PCDHA9: variants seen among roughly 807,000 people sequenced by gnomAD.
The protein encoded by PCDHA9 is protocadherin alpha 9, also known as protocadherin alpha-9.
Under a neutral mutation model 62.0 loss-of-function variants are expected in PCDHA9, and 62 were observed. The observed-to-expected ratio is 1.00, with a 90% CI of 0.81 to 1.23. The LOEUF (loss-of-function observed/expected upper bound fraction) is 1.23. Among genes scored for constraint, PCDHA9 ranks in the 50% most tolerant of loss-of-function variants. The pLI, the probability that PCDHA9 is intolerant of heterozygous loss-of-function variation, is 0.00. For synonymous variants in PCDHA9, 557 were observed against 567.6 expected, an observed-to-expected ratio of 0.98 and a Z score of 0.27; for missense variants, 1,205 against 1,249.8, an observed-to-expected ratio of 0.96 and a Z score of 0.54.
chr5:140,958,137 A>G (rs1237826000), intron 1 of PCDHA9, among the ~76,000 whole-genome samples: 2 of 152,112 alleles, frequency 1.3e-5, no homozygotes, highest in Admixed American at 6.6e-5. Flanking sequence ...ATCAGTGTGT[A>G]TATTTATATA....
intron 3 of PCDHA9, among the ~76,000 whole-genome samples, chr5:141,004,523 A>G (rs934216851): frequency 3.3e-5 from 5 of 152,232 alleles, no homozygotes; most frequent in Admixed American, 2.0e-4. Flanking sequence ...CTCTGCCAAT[A>G]CACACAGCCA....
At chr5:140,967,498 T>A (rs1554229623) in intron 1 of PCDHA9, 3 of 1,613,108 alleles carry the variant, frequency 1.9e-6, no homozygotes, top group Non-Finnish European at 2.5e-6. Flanking sequence ...CACAGATCTC[T>A]GTGCGTGTCC....
intron 1 of PCDHA9, among the ~76,000 whole-genome samples, chr5:140,885,128 T>A (rs2060480813): frequency 6.6e-6 from 1 of 152,222 alleles, no homozygotes; most frequent in Non-Finnish European, 1.5e-5. Context: ...CTTTTCTTTC[T>A]TTCTTTTTTT....
intron 1 of PCDHA9, among the ~76,000 whole-genome samples, chr5:140,955,186 G>A (rs246020): frequency 0.56 from 85,667 of 151,968 alleles, 24,773 homozygotes; most frequent in African/African-American, 0.69. Flanking sequence ...GTTTTGTGGT[G>A]TATATGAAGT....
chr5:140,995,511 A>G (rs561169284), intron 3 of PCDHA9, among the ~76,000 whole-genome samples: 1 of 152,342 alleles, frequency 6.6e-6, no homozygotes, highest in Admixed American at 6.5e-5. Flanking sequence ...TGGGTAACTG[A>G]AGCCTCAGAA....
chr5:140,967,477 C>T (rs782240426), intron 1 of PCDHA9: 1 of 1,613,396 alleles, frequency 6.2e-7, no homozygotes, highest in Non-Finnish European at 8.5e-7. Flanking sequence ...TCCCAGCCCG[C>T]TCGGGTACGG....
At chr5:140,978,319 A>G (rs1294780698) in intron 1 of PCDHA9, among the ~76,000 whole-genome samples, 2 of 152,216 alleles carry the variant, frequency 1.3e-5, no homozygotes, top group Admixed American at 1.3e-4. Context: ...AGCAGGAACA[A>G]GTACAAGTTT....
chr5:140,956,315 A>G (rs246013), intron 1 of PCDHA9, among the ~76,000 whole-genome samples: 85,586 of 151,908 alleles, frequency 0.56, 24,725 homozygotes, highest in African/African-American at 0.69. Flanking sequence ...TTATTTTGAG[A>G]TATGTTCCTT....
chr5:140,853,625 A>G (rs1195027874), intron 1 of PCDHA9: 1 of 988,416 alleles, frequency 1.0e-6, no homozygotes, highest in African/African-American at 1.8e-5. Context: ...ATAAGTATAC[A>G]AGATCACAGA....
At chr5:140,897,154 T>C (rs530327361) in intron 1 of PCDHA9, among the ~76,000 whole-genome samples, 1 of 152,332 alleles carries the variant, frequency 6.6e-6, no homozygotes, top group African/African-American at 2.4e-5. Context: ...TTAACCATTC[T>C]TCTACTGTCT....
At chr5:140,968,560 C>T (rs782202250) in intron 1 of PCDHA9, 2 of 1,614,154 alleles carry the variant, frequency 1.2e-6, no homozygotes, top group Admixed American at 1.7e-5. Context: ...CTCGAACTGC[C>T]CCTGCTGGCT....
chr5:140,956,710 CAGA>C (rs1554222572), intron 1 of PCDHA9, among the ~76,000 whole-genome samples: 1 of 152,144 alleles, frequency 6.6e-6, no homozygotes, highest in Non-Finnish European at 1.5e-5. Flanking sequence ...GGAATAGCTT[CAGA>C]AGAATTGGTA....
In PCDHA9 at chr5:140,967,672, C is replaced by G. The variant is rs781956405; in HGVS notation, c.2395-11277C>G. 36 of 1,614,182 alleles carry G rather than the reference C, an allele frequency of 2.2e-5. No individual in the cohort carries two copies. The South Asian group carries it at 3.8e-4, about 17-fold the overall frequency. ...ACTCCTTGAGCAGCTACACGTCGGACCGGGAGAGGCAGCTCTTCAGCATAG... is the reference window on the plus strand; with the variant it reads ...ACTCCTTGAGCAGCTACACGTCGGAGCGGGAGAGGCAGCTCTTCAGCATAG... On this transcript the variant is annotated intron_variant, in intron 1 of 3. Transcript: ENST00000532602.
intron 1 of PCDHA9, among the ~76,000 whole-genome samples, chr5:140,964,804 G>A (rs1484818069): frequency 6.6e-6 from 1 of 152,012 alleles, no homozygotes; most frequent in African/African-American, 2.4e-5. Context: ...CAAGAAAGGA[G>A]ACAGGAATAG....
intron 1 of PCDHA9, among the ~76,000 whole-genome samples, chr5:140,885,555 C>T (rs1225816980): frequency 3.3e-5 from 5 of 151,940 alleles, no homozygotes; most frequent in South Asian, 2.1e-4. Flanking sequence ...GTTATTTCTA[C>T]GAAATTGATT....
At chr5:140,971,603 C>T (rs1353988698) in intron 1 of PCDHA9, among the ~76,000 whole-genome samples, 1 of 152,072 alleles carries the variant, frequency 6.6e-6, no homozygotes, top group Non-Finnish European at 1.5e-5. Context: ...CTACAGATGG[C>T]AGGAGAGTCC....
rs2040836417 is a variant in PCDHA9 at position 140,849,271 on chromosome 5, C to G, written c.776C>G (p.Thr259Arg). ...VKLPENVSIG[T>R]LVIHPNASDL... ...TTACCAGAAAACGTTTCTATCGGAA[C>G]GCTGGTGATTCACCCCAATGCCTCA... is the stretch of plus-strand genomic sequence containing the variant. Residue 259 changes from threonine (T) to arginine (R), a missense_variant, in exon 1 of 4, where the codon ACG (threonine) becomes AGG (arginine). Thr to Arg is a moderately conservative substitution (Grantham distance 71). This residue lies in a region of PCDHA9 where 110 missense variants were observed against 227.2 expected (regional missense o/e 0.48). Coordinates refer to ENST00000532602, the MANE Select transcript of PCDHA9 (RefSeq NM_031857.2). 10 of 1,147,158 alleles carry G rather than the reference C, an allele frequency of 8.7e-6. No individual in the cohort carries two copies. In the East Asian group the frequency reaches 2.3e-4, roughly 26 times the overall value. 71.1% of individuals were successfully genotyped at this position (1,147,158 alleles called of 1,614,324 possible).
chr5:140,891,235 G>T (rs186707439), intron 1 of PCDHA9, among the ~76,000 whole-genome samples: 48 of 152,092 alleles, frequency 3.2e-4, no homozygotes, highest in African/African-American at 1.1e-3. Flanking sequence ...TCCTGTTCTG[G>T]ATTCAGTAGG....
chr5:140,906,644 T>C (rs1167181721), intron 1 of PCDHA9, among the ~76,000 whole-genome samples: 3 of 152,232 alleles, frequency 2.0e-5, no homozygotes, highest in Admixed American at 6.5e-5. Flanking sequence ...CAGCAGGTAG[T>C]GGTTTTTTCC....
Sources: gnomAD v4.1 joint callset for allele counts (sites outside exome capture counted in the v4.1 genomes callset) on GRCh38, gnomAD v4.1.1 for gene constraint, gnomAD v4.1.1 regional missense constraint, MANE v1.5 for transcripts, NCBI Gene and HGNC (gene_info 2026-07-23, HGNC 2026-07-21) for gene names.